Variants in DPYD observed in about 807,000 individuals in gnomAD.
The protein encoded by DPYD is dihydropyrimidine dehydrogenase.
A neutral mutation model predicts 116.2 loss-of-function variants in DPYD; 109 were observed. The observed-to-expected ratio is 0.94, with a 90% CI of 0.80 to 1.10. DPYD has a LOEUF of 1.10. Ranked by LOEUF, DPYD falls within the 50% of genes least tolerant of loss-of-function variation. DPYD has a pLI of 0.00. For missense variants in DPYD, 1,302 were observed against 1,254.5 expected (o/e 1.04, Z -0.57); for synonymous variants, 440 against 432.0 (o/e 1.02, Z -0.23).
intron 20 of DPYD, among the ~76,000 whole-genome samples, chr1:97,168,298 C>A (rs1456012457): frequency 1.3e-5 from 2 of 152,176 alleles, no homozygotes; most frequent in East Asian, 3.9e-4. Context: ...TTGCTGGCAG[C>A]AGCTCTTCAC....
chr1:97,218,582 C>A (rs556336862), intron 19 of DPYD, among the ~76,000 whole-genome samples: 10 of 150,534 alleles, frequency 6.6e-5, no homozygotes, highest in African/African-American at 2.2e-4. Context: ...CATCCTAGAT[C>A]AAACCCAAAA....
chr1:97,380,400 A>G (rs1671885081), intron 15 of DPYD, among the ~76,000 whole-genome samples: 1 of 152,224 alleles, frequency 6.6e-6, no homozygotes, highest in Non-Finnish European at 1.5e-5. Context: ...CAAGCAGTAG[A>G]AACTTCTTTG....
In DPYD at chr1:97,464,156, T is replaced by C. The variant is rs574877434; in HGVS notation, c.1741-13933A>G. Among the ~76,000 whole-genome samples, 3 of 151,764 alleles carry C rather than the reference T, an allele frequency of 2.0e-5. No individual in the cohort carries two copies. The East Asian group carries it at 5.8e-4, about 30-fold the overall frequency. On this transcript the variant is annotated intron_variant, in intron 13 of 22. Coordinates refer to ENST00000370192, the MANE Select transcript of DPYD (RefSeq NM_000110.4). ...CAGGAGGCTGAGGCAGGAGAATCACTTGAACCTGGGAGGCGGAGGTTGCAG... is the reference window on the plus strand; with the variant it reads ...CAGGAGGCTGAGGCAGGAGAATCACCTGAACCTGGGAGGCGGAGGTTGCAG...
intron 2 of DPYD, among the ~76,000 whole-genome samples, chr1:97,845,522 C>T (rs1211161432): frequency 1.3e-5 from 2 of 152,328 alleles, no homozygotes; most frequent in Non-Finnish European, 2.9e-5. Context: ...CTATGGGTCT[C>T]TCGAGTACTG....
Position 97,427,407 on chromosome 1 carries a change from C to G in DPYD, c.1905+22652G>C, listed in dbSNP as rs139974387. On this transcript the variant is annotated intron_variant, in intron 14 of 22. Transcript: ENST00000370192. ...TACCTAAAGATCTATACCTTCAGCA[C>G]ATACAGGCGATAATATAAAACTCCT... Among the ~76,000 whole-genome samples the G allele has an allele frequency of 3.5e-4, 53 of 152,118 alleles. 1 individual carries two copies. The East Asian group carries it at 7.5e-3, about 22-fold the overall frequency.
At chr1:97,550,580 G>A (rs767475162) in intron 11 of DPYD, among the ~76,000 whole-genome samples, 7 of 152,086 alleles carry the variant, frequency 4.6e-5, no homozygotes, top group Non-Finnish European at 1.0e-4. Context: ...GAAGAAAGGT[G>A]GACAACACCC....
intron 14 of DPYD, among the ~76,000 whole-genome samples, chr1:97,403,215 T>C (rs183785367): frequency 6.1e-4 from 93 of 152,160 alleles, no homozygotes; most frequent in Admixed American, 1.9e-3. Flanking sequence ...AAGTCAAAAG[T>C]GTGTGCTTCA....
intron 19 of DPYD, among the ~76,000 whole-genome samples, chr1:97,227,354 A>G (rs1376009905): frequency 1.1e-4 from 7 of 63,496 alleles, no homozygotes; most frequent in African/African-American, 4.9e-4. Flanking sequence ...AAAAAAAAAA[A>G]AAAGAAAGAA....
At chr1:97,234,658 T>G (rs1237792632) in intron 19 of DPYD, among the ~76,000 whole-genome samples, 194 bp downstream of exon 19, 1 of 152,186 alleles carries the variant, frequency 6.6e-6, no homozygotes, top group African/African-American at 2.4e-5. Context: ...TCGTAAGCCC[T>G]CAACAGGACA....
At chr1:97,123,701 T>C (rs1293370375) in intron 20 of DPYD, among the ~76,000 whole-genome samples, 2 of 152,210 alleles carry the variant, frequency 1.3e-5, no homozygotes, top group Non-Finnish European at 2.9e-5. Context: ...TATCAACATT[T>C]ACTTTTGGTT....
chr1:97,807,844 G>C (rs890037736), intron 3 of DPYD, among the ~76,000 whole-genome samples: 2 of 151,974 alleles, frequency 1.3e-5, no homozygotes, highest in African/African-American at 4.8e-5. Flanking sequence ...AGTGTGTCTA[G>C]ATTTTTTTTT....
At chr1:97,631,978 C>T (rs1657287605) in intron 8 of DPYD, among the ~76,000 whole-genome samples, 1 of 151,906 alleles carries the variant, frequency 6.6e-6, no homozygotes, top group Admixed American at 6.6e-5. Context: ...AATTCTATAC[C>T]ACCGTTCGAT....
chr1:97,081,995 T>C (rs1172334927), intron 22 of DPYD, among the ~76,000 whole-genome samples: 2 of 152,290 alleles, frequency 1.3e-5, no homozygotes, highest in East Asian at 3.9e-4. Flanking sequence ...TCTGTTCCCT[T>C]TCCTCTGTAT....
intron 3 of DPYD, among the ~76,000 whole-genome samples, chr1:97,818,783 T>A (rs1053860129): frequency 6.6e-6 from 1 of 151,872 alleles, no homozygotes; most frequent in East Asian, 1.9e-4. Context: ...TGTGTATATA[T>A]GTGTATAAAG....
chr1:97,279,356 G>A (rs1017933096), intron 18 of DPYD, among the ~76,000 whole-genome samples: 6 of 152,190 alleles, frequency 3.9e-5, no homozygotes, highest in Admixed American at 1.3e-4. Flanking sequence ...CAGGGTACTG[G>A]AGAGCACAGT....
At chr1:97,083,516 G>T (rs540941927) in intron 21 of DPYD, among the ~76,000 whole-genome samples, 1 of 151,720 alleles carries the variant, frequency 6.6e-6, no homozygotes, top group Non-Finnish European at 1.5e-5. Flanking sequence ...CAGTTCCTTT[G>T]TGTATCTTTC....
chr1:97,414,439 A>G (rs1381728843), intron 14 of DPYD, among the ~76,000 whole-genome samples: 1 of 152,210 alleles, frequency 6.6e-6, no homozygotes, highest in Admixed American at 6.5e-5. Flanking sequence ...ATTCAAAATT[A>G]ATTAGTGGCT....
At chr1:97,393,628 C>T (rs958050287) in intron 14 of DPYD, among the ~76,000 whole-genome samples, 13 of 152,096 alleles carry the variant, frequency 8.5e-5, no homozygotes, top group Admixed American at 2.0e-4. Context: ...TGGACTCATC[C>T]TTTTTTATGG....
intron 13 of DPYD, among the ~76,000 whole-genome samples, chr1:97,502,675 T>C (rs577920448): frequency 1.8e-3 from 281 of 152,080 alleles, no homozygotes; most frequent in African/African-American, 6.6e-3. Context: ...TGAGAAATGA[T>C]GGGGGCTGTG....
Sources: allele counts gnomAD v4.1 joint callset (sites outside exome capture counted in the v4.1 genomes callset), GRCh38; gene constraint gnomAD v4.1.1; transcripts MANE v1.5; gene names NCBI Gene and HGNC (gene_info 2026-07-23, HGNC 2026-07-21).